CPD: variants seen among roughly 807,000 people sequenced by gnomAD.
CPD encodes the protein carboxypeptidase D.
CPD carries 69 observed loss-of-function variants against 138.3 expected under a neutral mutation model. That is an observed-to-expected ratio of 0.50 (90% CI 0.41 to 0.61). The LOEUF (loss-of-function observed/expected upper bound fraction) is 0.61. Among genes scored for constraint, CPD ranks in the 20% least tolerant of loss-of-function variants. The probability of loss-of-function intolerance (pLI) is 0.00; values close to 1 mark genes in which losing one functional copy is unlikely to be tolerated. For missense variants in CPD, 1,432 were observed against 1,733.3 expected, an observed-to-expected ratio of 0.83 and a Z score of 3.09; for synonymous variants, 651 against 642.1, an observed-to-expected ratio of 1.01 and a Z score of -0.21.
intron 10 of CPD, 40 bp downstream of exon 10, chr17:30,442,490 G>T: frequency 6.3e-7 from 1 of 1,597,396 alleles, no homozygotes; most frequent in Non-Finnish European, 8.6e-7. Flanking sequence ...TCTCCCGAGG[G>T]TGAAAAGATT....
In CPD at chr17:30,378,982, T is replaced by TGGCGAGCGGCCGG; in HGVS notation, c.4_16dup (p.Asp6?). On this transcript the variant is annotated frameshift_variant and start_lost, in exon 1 of 21. Transcript: ENST00000225719. LOFTEE classifies it high-confidence loss of function. The stretch of plus-strand genomic sequence containing the variant: ...CGGGGTTAGCGGCGCTGCTGGAAGA[T>TGGCGAGCGGCCGG]GGCGAGCGGCCGGGACGAGCGGCCG... The TGGCGAGCGGCCGG allele has an allele frequency of 6.5e-7, 1 of 1,528,460 alleles. No individual in the cohort carries two copies. Among genetic ancestry groups the TGGCGAGCGGCCGG allele is most frequent in the South Asian group, 1.2e-5 (1 of 83,396 alleles). 94.7% of individuals were successfully genotyped at this position (1,528,460 alleles called of 1,614,324 possible).
At position 30,465,068 on chromosome 17, in the gene CPD, G is replaced by T; in HGVS notation, c.*254G>T. 4.7e-6 allele frequency: 2 copies of T among 424,950 alleles called. No individual in the cohort carries two copies. The highest frequency in any genetic ancestry group is 3.8e-5 in the Admixed American group (1 of 26,256). 26.3% of individuals were successfully genotyped at this position (424,950 alleles called of 1,614,324 possible). On this transcript the variant is annotated 3_prime_UTR_variant, in exon 21 of 21. Coordinates refer to ENST00000225719, the MANE Select transcript of CPD (RefSeq NM_001304.5). Reference sequence around the variant, plus strand: ...CAGCCACTTTTTCTTTTTAATTTAAGATGAGCTATTTGGAGCTTATGTAAT... The same window carrying T: ...CAGCCACTTTTTCTTTTTAATTTAATATGAGCTATTTGGAGCTTATGTAAT...
intron 12 of CPD, among the ~76,000 whole-genome samples, chr17:30,446,799 A>G (rs562212094): frequency 6.6e-6 from 1 of 152,358 alleles, no homozygotes; most frequent in Non-Finnish European, 1.5e-5. Context: ...CCAACAATGT[A>G]AAAGTGTTCC....
intron 18 of CPD, 113 bp downstream of exon 18, chr17:30,461,424 T>C: frequency 1.3e-6 from 1 of 778,186 alleles, no homozygotes; most frequent in Non-Finnish European, 1.7e-6. Context: ...TAAATTTATA[T>C]AGAAAGAAGA....
chr17:30,429,999 T>C (rs988872511), intron 7 of CPD, among the ~76,000 whole-genome samples: 1 of 152,172 alleles, frequency 6.6e-6, no homozygotes, highest in African/African-American at 2.4e-5. Flanking sequence ...TGCCTTCAGC[T>C]CTAAATAATT....
Position 30,379,315 on chromosome 17 carries a change from C to T in CPD, c.335C>T (p.Ala112Val). 6.7e-7 allele frequency: 1 copy of T among 1,493,084 alleles called. No individual in the cohort carries two copies. The highest frequency in any genetic ancestry group is 8.9e-7 in the Non-Finnish European group (1 of 1,129,104). The allele number at this position is 1,493,084 out of a possible 1,614,324, so 92.5% of individuals were successfully genotyped here. The change falls in exon 1 of 21, where the codon GCG becomes GTG. Residue 112 changes from alanine to valine, a missense_variant. Physicochemically the swap from Ala to Val is moderately conservative, Grantham distance 64. Around this residue, in one of 6 missense-constraint regions of CPD, gnomAD observed 484 missense variants for 477.2 expected, o/e 1.01. Transcript: ENST00000225719. The surrounding 1 kb of genome is among the most constrained non-coding windows in gnomAD (Gnocchi z 7.0). ...GGGTCGCTAATCCCTGAGGGCGACG[C>T]GGGGCCTGACGCTGCCGGGCCCGAC... Reference protein sequence around the residue: ...GLGSLIPEGDAGPDAAGPDAA... With the variant: ...GLGSLIPEGDVGPDAAGPDAA...
intron 6 of CPD, 85 bp from the exon 7 acceptor site, chr17:30,427,306 G>A (rs1912442095): frequency 1.6e-6 from 2 of 1,259,238 alleles, no homozygotes; most frequent in Admixed American, 3.6e-5. Context: ...CATTTGCCTT[G>A]AGTTAAGGTA....
In CPD at chr17:30,462,406, A is replaced by G. The variant is rs1372227597; in HGVS notation, c.3853A>G (p.Ile1285Val). 1.2e-6 allele frequency: 2 copies of G among 1,613,972 alleles called. No homozygotes were observed. The highest frequency in any genetic ancestry group is 1.3e-5 in the African/African-American group (1 of 75,028). ...TCATGATGCAGCTAGTTCTGTGGTG[A>G]TAGTCTTTGACACAGATAACCGGAT... ...VHHDAASSVV[I>V]VFDTDNRIFG... Residue 1285 changes from isoleucine (I) to valine (V), a missense_variant, in exon 20 of 21, where the codon ATA (isoleucine) becomes GTA (valine). This residue lies in a region of CPD where 366 missense variants were observed against 518.8 expected (regional missense o/e 0.71). Coordinates refer to ENST00000225719, the MANE Select transcript of CPD (RefSeq NM_001304.5).
chr17:30,443,393 A>G (rs1307694698), intron 10 of CPD, among the ~76,000 whole-genome samples: 2 of 152,120 alleles, frequency 1.3e-5, no homozygotes, highest in African/African-American at 4.8e-5. Context: ...TTACAGCTGT[A>G]TTTTATGACC....
intron 14 of CPD, 111 bp downstream of exon 14, chr17:30,451,957 T>C: frequency 9.8e-7 from 1 of 1,020,462 alleles, no homozygotes; most frequent in Non-Finnish European, 1.4e-6. Flanking sequence ...CTTGTCTGGG[T>C]TATGAATGTG....
Position 30,464,705 on chromosome 17 carries a change from A to G in CPD, c.4034A>G (p.Glu1345Gly). 2 of 1,614,030 alleles carry G rather than the reference A, an allele frequency of 1.2e-6. No individual in the cohort carries two copies. Among genetic ancestry groups the G allele is most frequent in the Admixed American group, 3.3e-5 (2 of 60,018 alleles). Residue 1345 changes from glutamate to glycine, a missense_variant, in exon 21 of 21, where the codon GAA (glutamate) becomes GGA (glycine). By Grantham distance (98) the Glu-to-Gly change is moderately conservative (BLOSUM62 -2). Around this residue, in one of 6 missense-constraint regions of CPD, gnomAD observed 366 missense variants for 518.8 expected, o/e 0.71. Transcript: ENST00000225719. ...CTCAGGCAGCATCATGATGAGTATG[A>G]AGATGAAATTCGCATGATGTCTACC... ...HRLRQHHDEY[E>G]DEIRMMSTGS... is the part of the protein sequence containing the mutation.
chr17:30,451,171 G>T (rs7213311), intron 13 of CPD, among the ~76,000 whole-genome samples: 1,903 of 152,240 alleles, frequency 0.013, 35 homozygotes, highest in African/African-American at 0.044. Flanking sequence ...TTAAACCCAC[G>T]TATGTCTACT....
chr17:30,444,004 C>G (rs200716606), intron 11 of CPD, 33 bp downstream of exon 11: 2 of 1,606,030 alleles, frequency 1.2e-6, no homozygotes, highest in African/African-American at 2.7e-5. Context: ...ATAGAGTGCT[C>G]GGAGGACAAA....
At chr17:30,431,680 T>G in intron 7 of CPD, 92 bp from the exon 8 acceptor site, 1 of 822,572 alleles carries the variant, frequency 1.2e-6, no homozygotes, top group Non-Finnish European at 1.9e-6. Flanking sequence ...ATTTTATTGT[T>G]TTCTCTTCTC....
In CPD at chr17:30,444,063, T is replaced by C. The variant is rs1452317782; in HGVS notation, c.2543+92T>C. On this transcript the variant is annotated intron_variant, in intron 11 of 20. Transcript: ENST00000225719. ...TTACTAGAACGTTCTAGAGAGCCTG[T>C]TAAGCAACTTTGAATGGATTGCTGC... is the stretch of plus-strand genomic sequence containing the variant. 3 of 1,360,904 alleles carry C rather than the reference T, an allele frequency of 2.2e-6. No homozygotes were observed. The East Asian group carries it at 6.9e-5, about 31-fold the overall frequency. 84.3% of individuals were successfully genotyped at this position (1,360,904 alleles called of 1,614,324 possible).
intron 17 of CPD, among the ~76,000 whole-genome samples, chr17:30,460,356 C>G (rs1235166588): frequency 1.3e-5 from 2 of 152,142 alleles, no homozygotes; most frequent in African/African-American, 4.8e-5. Context: ...ATGATCTGAG[C>G]TATGCTATGG....
intron 2 of CPD, among the ~76,000 whole-genome samples, chr17:30,407,464 G>A (rs1313820315): frequency 3.3e-5 from 5 of 151,940 alleles, no homozygotes; most frequent in Admixed American, 2.0e-4. Flanking sequence ...TCTCTACATC[G>A]TCTCCAGTAT....
intron 13 of CPD, among the ~76,000 whole-genome samples, chr17:30,450,466 T>C (rs903885520): frequency 1.3e-5 from 2 of 152,240 alleles, no homozygotes; most frequent in African/African-American, 4.8e-5. Flanking sequence ...TAGTTTTCTT[T>C]TTCATGTAAT....
At chr17:30,388,615 T>C (rs1911261200) in intron 2 of CPD, among the ~76,000 whole-genome samples, 1 of 152,100 alleles carries the variant, frequency 6.6e-6, no homozygotes, top group African/African-American at 2.4e-5. Context: ...TCTCCAAGCC[T>C]GCAAGGGTAA....
Sources: allele counts gnomAD v4.1 joint callset (sites outside exome capture counted in the v4.1 genomes callset), GRCh38; gene constraint gnomAD v4.1.1; regional missense constraint gnomAD v4.1.1; non-coding constraint Gnocchi (gnomAD v3.1); transcripts MANE v1.5; gene names NCBI Gene and HGNC (gene_info 2026-07-23, HGNC 2026-07-21).